INCA1: variants seen among roughly 807,000 people sequenced by gnomAD.
The protein encoded by INCA1 is protein INCA1.
In INCA1, 28 loss-of-function variants were observed where a neutral mutation model predicts 25.7. The ratio of observed to expected loss-of-function variants is 1.09; its 90% CI spans 0.81 to 1.49. The LOEUF (loss-of-function observed/expected upper bound fraction) is 1.49. Among genes scored for constraint, INCA1 ranks in the 40% most tolerant of loss-of-function variants. INCA1 has a pLI of 0.00. For synonymous variants in INCA1, 111 were observed against 103.6 expected, an observed-to-expected ratio of 1.07 and a Z score of -0.43; for missense variants, 309 against 290.9, an observed-to-expected ratio of 1.06 and a Z score of -0.45.
intron 4 of INCA1, 130 bp from the exon 5 acceptor site, chr17:4,989,754 T>C (rs1381468412): frequency 1.2e-5 from 19 of 1,547,276 alleles, no homozygotes; most frequent in Non-Finnish European, 1.7e-5. Context: ...GATGACTGAT[T>C]CATAGAAAGG....
At chr17:4,995,969 T>C (rs1259153479) in intron 1 of INCA1, 1 of 151,996 alleles carries the variant, frequency 6.6e-6, no homozygotes, top group Non-Finnish European at 1.5e-5. Flanking sequence ...AAGTTAAGTG[T>C]GGACATAATG....
At chr17:4,989,401 C>T in intron 5 of INCA1, 27 bp downstream of exon 5, 1 of 1,596,038 alleles carries the variant, frequency 6.3e-7, no homozygotes, top group Non-Finnish European at 8.6e-7. Flanking sequence ...GCATGACTCC[C>T]AGAACCCAGA....
At chr17:4,988,264 T>C (rs1973506013) in exon 7 of INCA1, 2 of 910,256 alleles carry the variant, frequency 2.2e-6, no homozygotes, top group Non-Finnish European at 3.2e-6. Flanking sequence ...TGTTAATGCC[T>C]AGTTCAGAGG....
At chr17:4,996,005 G>C (rs1054613105) in intron 1 of INCA1, 6 of 152,050 alleles carry the variant, frequency 3.9e-5, no homozygotes, top group African/African-American at 1.4e-4. Context: ...GGAAGGAGGG[G>C]GCAGTTGGGA....
intron 1 of INCA1, among the ~76,000 whole-genome samples, chr17:4,995,417 C>A (rs1974170787): frequency 6.6e-6 from 1 of 151,986 alleles, no homozygotes; most frequent in African/African-American, 2.4e-5. Context: ...ACAGTGGAGA[C>A]TGGGTGGGGT....
chr17:4,990,281 G>A lies in INCA1; in HGVS notation c.45-16C>T. On this transcript the variant is annotated splice_polypyrimidine_tract_variant and intron_variant, in intron 2 of 6. Coordinates refer to ENST00000576820, the Ensembl canonical transcript of INCA1. Reference sequence around the variant, plus strand: ...CCTGGAACACCTGAGGTGAGGACAAGGTAGGCTCGGGTCTGGCTCTTCCCT... The same window carrying A: ...CCTGGAACACCTGAGGTGAGGACAAAGTAGGCTCGGGTCTGGCTCTTCCCT... 1 of 1,606,032 alleles carries A rather than the reference G, an allele frequency of 6.2e-7. No homozygotes were observed. Among genetic ancestry groups the A allele is most frequent in the Admixed American group, 1.7e-5 (1 of 59,108 alleles).
chr17:4,990,789 A>C (rs910772307), intron 2 of INCA1, among the ~76,000 whole-genome samples: 1 of 150,708 alleles, frequency 6.6e-6, no homozygotes, highest in African/African-American at 2.4e-5. Context: ...AGGCTGAGGC[A>C]GGAGAATCAC....
At chr17:4,992,277 A>G (rs1973921081) in intron 2 of INCA1, among the ~76,000 whole-genome samples, 1 of 151,646 alleles carries the variant, frequency 6.6e-6, no homozygotes, top group Non-Finnish European at 1.5e-5. Context: ...ATAAAATCCA[A>G]ACCGTTTTTT....
chr17:4,989,359 C>T, intron 5 of INCA1, 69 bp downstream of exon 5: 1 of 1,458,934 alleles, frequency 6.9e-7, no homozygotes, highest in Non-Finnish European at 9.4e-7. Flanking sequence ...TCAACCCCTT[C>T]CTTAGCTCAA....
exon 1 of INCA1, chr17:4,997,028 G>C (rs922984343): frequency 3.3e-5 from 5 of 153,020 alleles, no homozygotes; most frequent in Non-Finnish European, 7.3e-5. Flanking sequence ...GGATGGAGCT[G>C]AAGGAAGCCA....
chr17:4,991,324 G>A (rs1269423882), intron 2 of INCA1, among the ~76,000 whole-genome samples: 2 of 152,138 alleles, frequency 1.3e-5, no homozygotes, highest in Non-Finnish European at 2.9e-5. Context: ...GTTAGAGAAG[G>A]TAATATTTAG....
intron 5 of INCA1, among the ~76,000 whole-genome samples, 165 bp from the exon 6 acceptor site, chr17:4,989,109 A>G (rs1020014405): frequency 1.3e-5 from 2 of 152,116 alleles, no homozygotes; most frequent in Non-Finnish European, 2.9e-5. Flanking sequence ...AGACTGAAGC[A>G]TATTGTCTAG....
At chr17:4,989,966 G>A (rs1340096076) in intron 3 of INCA1, 37 bp from the exon 4 acceptor site, 2 of 1,613,772 alleles carry the variant, frequency 1.2e-6, no homozygotes, top group East Asian at 2.2e-5. Context: ...AGTGCAGAGG[G>A]GACATGTCCA....
intron 1 of INCA1, among the ~76,000 whole-genome samples, chr17:4,995,554 C>T (rs1050430545): frequency 2.6e-5 from 4 of 151,502 alleles, no homozygotes; most frequent in African/African-American, 7.3e-5. Flanking sequence ...CAGCACTTTG[C>T]GGGGCTGGGG....
chr17:4,991,565 A>G (rs575465022), intron 2 of INCA1, among the ~76,000 whole-genome samples: 1 of 152,266 alleles, frequency 6.6e-6, no homozygotes, highest in South Asian at 2.1e-4. Context: ...CCTGATCTCT[A>G]AGAAATGGAG....
intron 1 of INCA1, among the ~76,000 whole-genome samples, 194 bp from the exon 2 acceptor site, chr17:4,994,669 A>C (rs1205525177): frequency 6.6e-6 from 1 of 151,938 alleles, no homozygotes; most frequent in Non-Finnish European, 1.5e-5. Context: ...GCGCGCCTAT[A>C]GTCCCAGCTA....
chr17:4,995,197 CTG>C (rs967546773), intron 1 of INCA1, among the ~76,000 whole-genome samples: 2 of 149,140 alleles, frequency 1.3e-5, no homozygotes, highest in African/African-American at 4.9e-5. Flanking sequence ...GAGCAAGACT[CTG>C]TCTCAAAAAA....
intron 2 of INCA1, among the ~76,000 whole-genome samples, chr17:4,993,767 CTTT>C (rs934109564): frequency 2.1e-5 from 2 of 97,322 alleles, no homozygotes; most frequent in African/African-American, 4.4e-5. Flanking sequence ...CGTGCCTGGC[CTTT>C]TTTTTTTTTT....
At chr17:4,993,623 C>T (rs903747898) in intron 2 of INCA1, among the ~76,000 whole-genome samples, 6 of 152,002 alleles carry the variant, frequency 3.9e-5, no homozygotes, top group Non-Finnish European at 8.8e-5. Flanking sequence ...CGCCCGCCAC[C>T]ACACCCGGCT....
Sources: allele counts gnomAD v4.1 joint callset (sites outside exome capture counted in the v4.1 genomes callset), GRCh38; gene constraint gnomAD v4.1.1; transcripts MANE v1.5; gene names NCBI Gene and HGNC (gene_info 2026-07-23, HGNC 2026-07-21).